Variants in CCDC33 observed in about 807,000 individuals in gnomAD.
CCDC33 encodes coiled-coil domain containing 33.
CCDC33 carries 94 observed loss-of-function variants against 91.9 expected under a neutral mutation model. The observed-to-expected ratio is 1.02, with a 90% CI of 0.87 to 1.21. CCDC33 has a LOEUF of 1.21. CCDC33 is among the 50% of genes most tolerant of loss of function. The pLI, the probability that CCDC33 is intolerant of heterozygous loss-of-function variation, is 0.00. For missense variants in CCDC33, 940 were observed against 935.5 expected (o/e 1.00, Z -0.06); for synonymous variants, 396 against 374.5 (o/e 1.06, Z -0.66).
At chr15:74,215,292 A>G (rs2074411498), upstream of CCDC33, among the ~76,000 whole-genome samples, 1 of 152,200 alleles carries the variant, frequency 6.6e-6, no homozygotes, top group Non-Finnish European at 1.5e-5. Flanking sequence ...AAAGACAAAT[A>G]CTGTAAGATT....
chr15:74,309,233 G>A (rs1353937413), intron 11 of CCDC33, among the ~76,000 whole-genome samples: 2 of 152,164 alleles, frequency 1.3e-5, no homozygotes, highest in East Asian at 1.9e-4. Context: ...CCTGCCTCAA[G>A]CCTTTACCTG....
At chr15:74,329,932 C>T (rs1019513977) in intron 11 of CCDC33, among the ~76,000 whole-genome samples, 2 of 152,332 alleles carry the variant, frequency 1.3e-5, no homozygotes, top group East Asian at 3.9e-4. Flanking sequence ...TGGGGTTTCC[C>T]CCTGAGTTGG....
In CCDC33 at chr15:74,316,590, G is replaced by A. The variant is rs2060092540; in HGVS notation, c.1291-13599G>A. On this transcript the variant is annotated intron_variant, in intron 11 of 18. Coordinates refer to ENST00000398814, the MANE Select transcript of CCDC33 (RefSeq NM_025055.5). The surrounding 1 kb of genome is among the most constrained non-coding windows in gnomAD (Gnocchi z 4.7). ...GCAGGGGGCACACACCCATTTCCCT[G>A]GTGGGGAGGCTGAGGGGCAGGAGCA... 6.6e-6 allele frequency among the ~76,000 whole-genome samples: 1 copy of A among 152,096 alleles called. No homozygotes were observed. The highest frequency in any genetic ancestry group is 2.1e-4 in the South Asian group (1 of 4,824).
chr15:74,207,832 T>C (rs2142113495), intron 1 of CCDC33: 1 of 1,533,936 alleles, frequency 6.5e-7, no homozygotes, highest in Non-Finnish European at 8.7e-7. Flanking sequence ...TTCGCACACA[T>C]ACGTGCTTAA....
At chr15:74,215,330 A>G (rs2142131186), upstream of CCDC33, among the ~76,000 whole-genome samples, 1 of 151,606 alleles carries the variant, frequency 6.6e-6, no homozygotes, top group Non-Finnish European at 1.5e-5. Flanking sequence ...TGAGTATTCA[A>G]ATTCACAGAG....
intron 2 of CCDC33, among the ~76,000 whole-genome samples, chr15:74,224,028 GTTTCCCTTTGTAGCTCGA>G (rs2074705245): frequency 2.0e-5 from 3 of 151,482 alleles, no homozygotes; most frequent in African/African-American, 7.2e-5. Context: ...GCTACCTGAG[GTTTCCCTTTGTAGCTCGA>G]TTTTCTTTTA....
rs141938267 is a variant in CCDC33 at position 74,281,284 on chromosome 15, A to G, written c.1023+483A>G. The stretch of plus-strand genomic sequence containing the variant: ...TCTGGGTCCAAATTCTGGTTCCACC[A>G]CATACCAGCTAACATGACCATGGGA... On this transcript the variant is annotated intron_variant, in intron 9 of 18. Coordinates refer to ENST00000398814, the MANE Select transcript of CCDC33 (RefSeq NM_025055.5). Among the ~76,000 whole-genome samples the G allele has an allele frequency of 6.7e-3, 1,023 of 152,364 alleles. 10 individuals carry two copies. Among genetic ancestry groups the G allele is most frequent in the African/African-American group, 0.023 (963 of 41,586 alleles).
At chr15:74,314,282 C>A (rs1596099828) in intron 11 of CCDC33, among the ~76,000 whole-genome samples, 1 of 152,346 alleles carries the variant, frequency 6.6e-6, no homozygotes, top group East Asian at 1.9e-4. Flanking sequence ...AGACCCCAAG[C>A]CTTGGCCACA....
chr15:74,274,049 C>T (rs1467617525), intron 7 of CCDC33, among the ~76,000 whole-genome samples: 2 of 152,136 alleles, frequency 1.3e-5, no homozygotes, highest in African/African-American at 4.8e-5. Flanking sequence ...CCAGGCTGGT[C>T]TCAAACTCCT....
intron 2 of CCDC33, among the ~76,000 whole-genome samples, chr15:74,251,716 C>T: frequency 6.6e-6 from 1 of 152,118 alleles, no homozygotes; most frequent in African/African-American, 2.4e-5. Flanking sequence ...CTGACCCTGG[C>T]CCTACACTGA....
At chr15:74,247,220 G>C (rs2075560357) in intron 2 of CCDC33, among the ~76,000 whole-genome samples, 1 of 151,954 alleles carries the variant, frequency 6.6e-6, no homozygotes, top group Non-Finnish European at 1.5e-5. Context: ...TGTAATCCCA[G>C]AACTTTGGAG....
At chr15:74,215,831 A>G (rs7166255), upstream of CCDC33, among the ~76,000 whole-genome samples, 950 of 150,836 alleles carry the variant, frequency 6.3e-3, 11 homozygotes, top group African/African-American at 0.022. Flanking sequence ...AGATCTCGCC[A>G]CTGCACTCCA....
chr15:74,281,010 C>A (rs1475196744), intron 9 of CCDC33, among the ~76,000 whole-genome samples: 3 of 152,206 alleles, frequency 2.0e-5, no homozygotes, highest in Non-Finnish European at 4.4e-5. Flanking sequence ...TATGACGAAC[C>A]AAGCCAGAGA....
chr15:74,223,723 T>TACACACACAC (rs55820464), intron 2 of CCDC33, among the ~76,000 whole-genome samples: 1,438 of 112,238 alleles, frequency 0.013, 35 homozygotes, highest in African/African-American at 0.031. Flanking sequence ...ACCGCCAGCA[T>TACACACACAC]ACACACACAC....
chr15:74,325,762 G>T (rs1357015335), intron 11 of CCDC33, among the ~76,000 whole-genome samples: 2 of 152,112 alleles, frequency 1.3e-5, no homozygotes, highest in African/African-American at 2.4e-5. Context: ...CTCAGATTCT[G>T]CCAGAAGCAC....
At chr15:74,253,776 C>T (rs1241085553) in intron 2 of CCDC33, among the ~76,000 whole-genome samples, 1 of 152,176 alleles carries the variant, frequency 6.6e-6, no homozygotes, top group Non-Finnish European at 1.5e-5. Context: ...CAGAGAGCAC[C>T]TGGCTCATTC....
upstream of CCDC33, among the ~76,000 whole-genome samples, chr15:74,215,731 G>A (rs1402361226): frequency 2.6e-5 from 4 of 152,102 alleles, no homozygotes; most frequent in South Asian, 6.2e-4. Context: ...TTAGCCGGGC[G>A]TGGTGGCGCA....
chr15:74,226,332 G>T (rs984638139), intron 2 of CCDC33, among the ~76,000 whole-genome samples: 2 of 152,182 alleles, frequency 1.3e-5, no homozygotes, highest in African/African-American at 4.8e-5. Context: ...ACTTGGAGCA[G>T]GTCCCTTACC....
At chr15:74,276,892 C>T (rs2076464170) in intron 7 of CCDC33, among the ~76,000 whole-genome samples, 1 of 152,182 alleles carries the variant, frequency 6.6e-6, no homozygotes, top group East Asian at 1.9e-4. Flanking sequence ...GCTTTCTCCT[C>T]GCACACCCCA....
Sources: gnomAD v4.1 joint callset for allele counts (sites outside exome capture counted in the v4.1 genomes callset) on GRCh38, gnomAD v4.1.1 for gene constraint, Gnocchi (gnomAD v3.1) non-coding constraint, MANE v1.5 for transcripts, NCBI Gene and HGNC (gene_info 2026-07-23, HGNC 2026-07-21) for gene names.